Variants in CLUAP1 observed in about 807,000 individuals in gnomAD.
CLUAP1 encodes the protein clusterin-associated protein 1.
In CLUAP1, 50 loss-of-function variants were observed where a neutral mutation model predicts 55.0. The ratio of observed to expected loss-of-function variants is 0.91; its 90% CI spans 0.72 to 1.15. The LOEUF is 1.15. Ranked by LOEUF, CLUAP1 falls within the 50% of genes most tolerant of loss-of-function variation. CLUAP1 has a pLI of 0.00. For synonymous variants in CLUAP1, 195 were observed against 175.4 expected, an observed-to-expected ratio of 1.11 and a Z score of -0.88; for missense variants, 530 against 507.6, an observed-to-expected ratio of 1.04 and a Z score of -0.42.
intron 1 of CLUAP1, among the ~76,000 whole-genome samples, chr16:3,503,638 C>T (rs1231665007): frequency 6.6e-6 from 1 of 152,112 alleles, no homozygotes; most frequent in African/African-American, 2.4e-5. Flanking sequence ...ACTCTGTCAC[C>T]CAGGCTGGAG....
intron 2 of CLUAP1, 105 bp from the exon 3 acceptor site, chr16:3,506,226 A>G: frequency 2.3e-6 from 2 of 880,238 alleles, no homozygotes; most frequent in Middle Eastern, 2.2e-4. Flanking sequence ...GGGGACTTGG[A>G]GAGCGTTGTG....
intron 7 of CLUAP1, among the ~76,000 whole-genome samples, chr16:3,521,351 G>C (rs565344878): frequency 6.6e-6 from 1 of 152,128 alleles, no homozygotes; most frequent in Non-Finnish European, 1.5e-5. Flanking sequence ...ATTTTTAAAA[G>C]AGTAGAATTT....
chr16:3,529,465 A>T (rs1233639954), intron 9 of CLUAP1, among the ~76,000 whole-genome samples: 2 of 73,732 alleles, frequency 2.7e-5, no homozygotes, highest in African/African-American at 7.0e-5. Flanking sequence ...TATATATAAT[A>T]TATATTATAT....
intron 2 of CLUAP1, among the ~76,000 whole-genome samples, chr16:3,505,131 CAGG>C (rs2037478014): frequency 1.3e-5 from 2 of 152,178 alleles, no homozygotes; most frequent in Admixed American, 1.3e-4. Context: ...TCCAGCGACT[CAGG>C]AGGCTGAGGC....
intron 4 of CLUAP1, 26 bp downstream of exon 4, chr16:3,508,494 G>T: frequency 6.6e-7 from 1 of 1,515,172 alleles, no homozygotes. Context: ...GCCTTGTAGT[G>T]GGCGATGGAG....
At position 3,520,030 on chromosome 16, in the gene CLUAP1, G is replaced by A; in HGVS notation, c.707G>A (p.Ser236Asn). ...CGGAAGCGACTAGAGACTCTGCAGA[G>A]TGTCAGGTAGATATGAACACTTGGA... Reference protein sequence around the residue: ...RNRKRLETLQSVRPCFMDEYE... With the variant: ...RNRKRLETLQNVRPCFMDEYE... Residue 236 changes from serine to asparagine, a missense_variant, in exon 7 of 12, where the codon AGT becomes AAT. Transcript: ENST00000576634. 1 of 1,607,404 alleles carries A rather than the reference G, an allele frequency of 6.2e-7. No individual in the cohort carries two copies. The highest frequency in any genetic ancestry group is 8.5e-7 in the Non-Finnish European group (1 of 1,178,306).
chr16:3,496,460 C>G, upstream of CLUAP1: 1 of 904,400 alleles, frequency 1.1e-6, no homozygotes, highest in Non-Finnish European at 1.7e-6. Flanking sequence ...TGTGGGGACG[C>G]TTAACGGATG....
chr16:3,506,519 T>C lies in CLUAP1; in HGVS notation c.219+104T>C, dbSNP rs553101088. Reference sequence around the variant, plus strand: ...ACTGTGTAATTGAGTTTTTCTTTCTTTTTTTTTGAGATGGAGTCTCATTCT... The same window carrying C: ...ACTGTGTAATTGAGTTTTTCTTTCTCTTTTTTTGAGATGGAGTCTCATTCT... On this transcript the variant is annotated intron_variant, in intron 3 of 11. Transcript: ENST00000576634. 1.2e-5 allele frequency: 11 copies of C among 953,018 alleles called. No individual in the cohort carries two copies. The African/African-American group carries it at 1.5e-4, about 13-fold the overall frequency. 59.0% of individuals were successfully genotyped at this position (953,018 alleles called of 1,614,324 possible). A position where few individuals can be genotyped will look rare whatever the true frequency, so the allele number is the denominator to read the frequency against.
intron 5 of CLUAP1, among the ~76,000 whole-genome samples, chr16:3,513,357 C>A (rs750369201): frequency 1.3e-5 from 2 of 152,222 alleles, no homozygotes; most frequent in South Asian, 4.1e-4. Flanking sequence ...GATTTGCAAT[C>A]CTTATTCCAG....
chr16:3,531,607 C>T (rs1380051030), intron 10 of CLUAP1, among the ~76,000 whole-genome samples: 4 of 152,148 alleles, frequency 2.6e-5, no homozygotes, highest in Non-Finnish European at 4.4e-5. Context: ...GGGTCTTCCT[C>T]ATGTCCCACT....
chr16:3,527,727 ATAG>A (rs1026942423), intron 9 of CLUAP1, among the ~76,000 whole-genome samples: 1 of 152,074 alleles, frequency 6.6e-6, no homozygotes. Flanking sequence ...TGCCTTTTAG[ATAG>A]TAGTAGCAAA....
In CLUAP1 at chr16:3,536,327, G is replaced by T; in HGVS notation, c.*56G>T. On this transcript the variant is annotated 3_prime_UTR_variant, in exon 12 of 12. Coordinates refer to ENST00000576634, the MANE Select transcript of CLUAP1 (RefSeq NM_015041.3). ...AACCCTCAGACTTGTAGGTAAATGG[G>T]AACTTAGAAGGTTAGGAAGGTAACC... 2 of 1,579,894 alleles carry T rather than the reference G, an allele frequency of 1.3e-6. No homozygotes were observed. Among genetic ancestry groups the T allele is most frequent in the South Asian group, 1.1e-5 (1 of 87,764 alleles).
chr16:3,529,482 T>TTATTA (rs1184031165), intron 9 of CLUAP1, among the ~76,000 whole-genome samples: 2 of 79,176 alleles, frequency 2.5e-5, no homozygotes, highest in East Asian at 3.2e-4. Context: ...ATATTATATA[T>TTATTA]TATATAATTA....
intron 6 of CLUAP1, among the ~76,000 whole-genome samples, chr16:3,518,843 C>T (rs1230470350): frequency 6.6e-6 from 1 of 152,158 alleles, no homozygotes; most frequent in Non-Finnish European, 1.5e-5. Context: ...TGGAGAGTGT[C>T]TGGGCTTCGT....
chr16:3,512,276 A>C (rs955174053), intron 4 of CLUAP1, 107 bp from the exon 5 acceptor site: 2 of 757,356 alleles, frequency 2.6e-6, no homozygotes, highest in African/African-American at 1.7e-5. Context: ...TCGGAGGGTC[A>C]CTTGAGGCCA....
intron 8 of CLUAP1, among the ~76,000 whole-genome samples, chr16:3,525,173 G>C (rs145446315): frequency 6.6e-6 from 1 of 152,154 alleles, no homozygotes; most frequent in African/African-American, 2.4e-5. Flanking sequence ...GGCACATTTC[G>C]AGGGCACTAG....
intron 8 of CLUAP1, among the ~76,000 whole-genome samples, 191 bp downstream of exon 8, chr16:3,523,490 ATCT>A (rs2037879605): frequency 6.6e-6 from 1 of 152,112 alleles, no homozygotes; most frequent in Non-Finnish European, 1.5e-5. Context: ...GGGTTGTCAA[ATCT>A]TTGATGTCAT....
intron 9 of CLUAP1, among the ~76,000 whole-genome samples, chr16:3,529,326 G>A (rs1176081303): frequency 7.3e-6 from 1 of 137,362 alleles, no homozygotes; most frequent in Non-Finnish European, 1.5e-5. Flanking sequence ...ATCCATGGTT[G>A]GCTGAACCCA....
At chr16:3,520,244 C>T (rs1294857292) in intron 7 of CLUAP1, among the ~76,000 whole-genome samples, 2 of 151,856 alleles carry the variant, frequency 1.3e-5, no homozygotes. Context: ...TGGTGATACA[C>T]ACCTGTAGTC....
Sources: allele counts gnomAD v4.1 joint callset (sites outside exome capture counted in the v4.1 genomes callset), GRCh38; gene constraint gnomAD v4.1.1; transcripts MANE v1.5; gene names NCBI Gene and HGNC (gene_info 2026-07-23, HGNC 2026-07-21).